Variants in TENM1 observed in about 807,000 individuals in gnomAD.
TENM1 encodes teneurin-1.
A neutral mutation model predicts 174.8 loss-of-function variants in TENM1; 35 were observed. The ratio of observed to expected loss-of-function variants is 0.20; its 90% CI spans 0.15 to 0.27. TENM1 has a LOEUF of 0.27. Among genes scored for constraint, TENM1 ranks in the 10% least tolerant of loss-of-function variants. The probability of loss-of-function intolerance (pLI) is 1.00; values close to 1 mark genes in which losing one functional copy is unlikely to be tolerated. For synonymous variants in TENM1, 781 were observed against 798.7 expected (o/e 0.98, Z 0.37); for missense variants, 1,633 against 2,130.1 (o/e 0.77, Z 4.59).
At chrX:124,946,960 T>C (rs2058412311) in intron 1 of TENM1, among the ~76,000 whole-genome samples, 1 of 110,058 alleles carries the variant, frequency 9.1e-6, no homozygotes, top group African/African-American at 3.3e-5. Flanking sequence ...GAAGTCACTC[T>C]GAGTAGACTT....
the TENM1 span, among the ~76,000 whole-genome samples, chrX:125,129,466 C>T: frequency 9.0e-6 from 1 of 111,324 alleles, no homozygotes; most frequent in South Asian, 3.8e-4. Flanking sequence ...ACAAACAACC[C>T]AATTATACTC....
At chrX:125,093,799 T>C in the TENM1 span, among the ~76,000 whole-genome samples, 1 of 111,826 alleles carries the variant, frequency 8.9e-6, no homozygotes, top group Non-Finnish European at 1.9e-5. Flanking sequence ...TCAAGAAATA[T>C]TATAGAAAGA....
intron 28 of TENM1, among the ~76,000 whole-genome samples, chrX:124,389,353 C>T (rs775578426): frequency 1.9e-3 from 208 of 111,851 alleles, no homozygotes; most frequent in African/African-American, 6.4e-3. Flanking sequence ...AAAGAGAAAT[C>T]CATTTTAAAG....
chrX:124,743,747 ATCTT>A (rs2053853825), intron 3 of TENM1, among the ~76,000 whole-genome samples: 1 of 111,552 alleles, frequency 9.0e-6, no homozygotes, highest in South Asian at 3.7e-4. Flanking sequence ...AGTTAGGTTG[ATCTT>A]TGTTACAATC....
In TENM1 at chrX:124,426,893, T is replaced by A. The variant is rs1306831608; in HGVS notation, c.4105-4255A>T. On this transcript the variant is annotated intron_variant, in intron 23 of 31. Transcript: ENST00000422452. ...AGCACGTCTGTCTGAGGCCTTTGCA[T>A]GTCAGTGCCCTGCCACTGAGAGGGA... 2.7e-5 allele frequency among the ~76,000 whole-genome samples: 3 copies of A among 111,922 alleles called. No homozygotes were observed. The South Asian group carries it at 1.1e-3, about 42-fold the overall frequency.
At chrX:124,561,085 G>A (rs1159555254) in intron 14 of TENM1, among the ~76,000 whole-genome samples, 1 of 111,854 alleles carries the variant, frequency 8.9e-6, no homozygotes, top group Non-Finnish European at 1.9e-5. Flanking sequence ...TCCTCTGAAA[G>A]GTATAAAGTG....
chrX:124,886,540 T>G (rs1270700459), intron 3 of TENM1, among the ~76,000 whole-genome samples: 323 of 90,891 alleles, frequency 3.6e-3, no homozygotes, highest in African/African-American at 9.9e-3. Flanking sequence ...TATATATATA[T>G]ATATATATAG....
intron 27 of TENM1, among the ~76,000 whole-genome samples, chrX:124,401,944 T>G (rs1297702598): frequency 1.8e-5 from 2 of 111,824 alleles, no homozygotes; most frequent in Non-Finnish European, 3.8e-5. Flanking sequence ...TTGTCAGCAT[T>G]GAAATGAGGA....
chrX:125,174,080 A>C, the TENM1 span, among the ~76,000 whole-genome samples: 1 of 111,290 alleles, frequency 9.0e-6, no homozygotes, highest in Non-Finnish European at 1.9e-5. Flanking sequence ...GGTAGCTGGA[A>C]GAATGATGGT....
intron 20 of TENM1, among the ~76,000 whole-genome samples, chrX:124,492,183 C>A (rs1198019349): frequency 9.0e-6 from 1 of 111,516 alleles, no homozygotes; most frequent in East Asian, 2.8e-4. Flanking sequence ...TAAATACAAC[C>A]AATAACATAA....
chrX:124,988,230 A>C, the TENM1 span, among the ~76,000 whole-genome samples: 8 of 111,555 alleles, frequency 7.2e-5, no homozygotes, highest in Non-Finnish European at 1.5e-4. Context: ...CCACCAAATA[A>C]AGTGGAAGAA....
At chrX:124,981,373 A>G in the TENM1 span, among the ~76,000 whole-genome samples, 1 of 111,986 alleles carries the variant, frequency 8.9e-6, no homozygotes, top group Non-Finnish European at 1.9e-5. Flanking sequence ...AATTCAAGTT[A>G]GTTACATCAA....
chrX:124,849,028 A>C (rs958415747), intron 3 of TENM1, among the ~76,000 whole-genome samples: 29 of 111,636 alleles, frequency 2.6e-4, no homozygotes, highest in African/African-American at 8.1e-4. Context: ...TTACGTAATT[A>C]ATATTTTTAA....
chrX:125,147,054 GTATA>G, the TENM1 span, among the ~76,000 whole-genome samples: 1 of 108,297 alleles, frequency 9.2e-6, no homozygotes, highest in African/African-American at 3.4e-5. Context: ...GTCTGTGTGT[GTATA>G]TATATCTTAT....
intron 12 of TENM1, among the ~76,000 whole-genome samples, chrX:124,564,472 C>T (rs1210133113): frequency 9.0e-6 from 1 of 111,048 alleles, no homozygotes; most frequent in Non-Finnish European, 1.9e-5. Flanking sequence ...ATCCAGAGGC[C>T]CACATTTGCC....
At chrX:125,200,678 A>AGAGAGAGAGAGAGAGAGAGAGAGAGAGAG in the TENM1 span, among the ~76,000 whole-genome samples, 1 of 106,707 alleles carries the variant, frequency 9.4e-6, no homozygotes, top group Admixed American at 1.0e-4. Context: ...AGAGAGAGAG[A>AGAGAGAGAGAGAGAGAGAGAGAGAGAGAG]ACAAATATGA....
intron 27 of TENM1, among the ~76,000 whole-genome samples, chrX:124,401,266 C>G (rs1253939682): frequency 8.9e-6 from 1 of 111,829 alleles, no homozygotes; most frequent in East Asian, 2.8e-4. Flanking sequence ...ACCAAATGGG[C>G]CTTTAAATGA....
the TENM1 span, among the ~76,000 whole-genome samples, chrX:125,147,685 G>A: frequency 9.9e-5 from 11 of 110,831 alleles, no homozygotes; most frequent in South Asian, 3.5e-3. Flanking sequence ...GTCCCTACGC[G>A]GCTTACCTGG....
chrX:124,986,345 T>C, the TENM1 span, among the ~76,000 whole-genome samples: 2 of 111,254 alleles, frequency 1.8e-5, no homozygotes, highest in African/African-American at 6.5e-5. Flanking sequence ...TTAAACTGTA[T>C]GCTGAGGAAG....
Sources: allele counts gnomAD v4.1 joint callset (sites outside exome capture counted in the v4.1 genomes callset), GRCh38; gene constraint gnomAD v4.1.1; transcripts MANE v1.5; gene names NCBI Gene and HGNC (gene_info 2026-07-23, HGNC 2026-07-21).